The following SAMD5 variants were observed in gnomAD, a reference collection of about 807,000 sequenced individuals.
SAMD5 encodes sterile alpha motif domain containing 5, also known as sterile alpha motif domain-containing protein 5.
A neutral mutation model predicts 11.3 loss-of-function variants in SAMD5; 13 were observed. The observed-to-expected ratio is 1.15, with a 90% CI of 0.75 to 1.83. SAMD5 has a LOEUF of 1.83. Ranked by LOEUF, SAMD5 falls within the 40% of genes most tolerant of loss-of-function variation. The pLI, the probability that SAMD5 is intolerant of heterozygous loss-of-function variation, is 0.00. For synonymous variants in SAMD5, 129 were observed against 111.3 expected, an observed-to-expected ratio of 1.16 and a Z score of -1.00; for missense variants, 255 against 239.1, an observed-to-expected ratio of 1.07 and a Z score of -0.44.
At chr6:147,677,661 A>C (rs1790883094) in intron 1 of SAMD5, among the ~76,000 whole-genome samples, 1 of 152,054 alleles carries the variant, frequency 6.6e-6, no homozygotes, top group South Asian at 2.1e-4. Flanking sequence ...GCTCACCACT[A>C]TGGAGGAAGC....
At chr6:147,952,363 A>T in the SAMD5 span, among the ~76,000 whole-genome samples, 2 of 152,200 alleles carry the variant, frequency 1.3e-5, no homozygotes, top group Non-Finnish European at 2.9e-5. Flanking sequence ...TTTGCTGGGT[A>T]GGCGTGATAT....
the SAMD5 span, among the ~76,000 whole-genome samples, chr6:147,802,529 G>A: frequency 1.3e-5 from 2 of 152,164 alleles, no homozygotes; most frequent in Non-Finnish European, 2.9e-5. Flanking sequence ...CATGCATTTA[G>A]CCTATGACTC....
chr6:147,643,782 A>AAGGAAGGAAGGT (rs1790350750), intron 1 of SAMD5, among the ~76,000 whole-genome samples: 1 of 138,846 alleles, frequency 7.2e-6, no homozygotes, highest in Non-Finnish European at 1.6e-5. Context: ...GGAAGGAAGG[A>AAGGAAGGAAGGT]AGGAAGGAAG....
chr6:147,651,502 G>A (rs1381930256), intron 1 of SAMD5, among the ~76,000 whole-genome samples: 1 of 152,168 alleles, frequency 6.6e-6, no homozygotes, highest in Non-Finnish European at 1.5e-5. Context: ...ATTAGGTCAT[G>A]AGGGAAGTGC....
At chr6:147,543,734 A>C (rs2128442276) in intron 1 of SAMD5, among the ~76,000 whole-genome samples, 1 of 152,314 alleles carries the variant, frequency 6.6e-6, no homozygotes, top group South Asian at 2.1e-4. Context: ...TGAGGCAGCA[A>C]ATATGGGAAA....
chr6:147,885,868 G>A, the SAMD5 span, among the ~76,000 whole-genome samples: 1 of 152,124 alleles, frequency 6.6e-6, no homozygotes, highest in African/African-American at 2.4e-5. Flanking sequence ...TGCTCTGTGG[G>A]CAGCGAAACA....
chr6:147,945,180 C>T, the SAMD5 span, among the ~76,000 whole-genome samples: 18 of 152,142 alleles, frequency 1.2e-4, no homozygotes, highest in Admixed American at 3.3e-4. Flanking sequence ...CTTTATCCCC[C>T]GACTATTTCA....
the SAMD5 span, among the ~76,000 whole-genome samples, chr6:147,747,751 AT>A: frequency 3.3e-5 from 5 of 152,024 alleles, no homozygotes; most frequent in Admixed American, 2.6e-4. Context: ...TATTATCTTT[AT>A]TTATCAGCCA....
At chr6:147,570,507 T>C (rs751680494), downstream of SAMD5, among the ~76,000 whole-genome samples, 31 of 152,202 alleles carry the variant, frequency 2.0e-4, no homozygotes, top group Non-Finnish European at 1.9e-4. Context: ...TACTACTTTC[T>C]GGCCTCAGGA....
At chr6:147,762,580 A>G in the SAMD5 span, among the ~76,000 whole-genome samples, 1 of 152,330 alleles carries the variant, frequency 6.6e-6, no homozygotes, top group South Asian at 2.1e-4. Flanking sequence ...AGTAAAAAGT[A>G]AATTTAAAAA....
chr6:147,884,106 T>C, the SAMD5 span, among the ~76,000 whole-genome samples: 2,105 of 149,340 alleles, frequency 0.014, 31 homozygotes, highest in Non-Finnish European at 0.022. Flanking sequence ...ATTTTTCCCC[T>C]TGGCCATCTT....
chr6:147,783,379 A>AT, the SAMD5 span, among the ~76,000 whole-genome samples: 6,233 of 110,892 alleles, frequency 0.056, 166 homozygotes, highest in Middle Eastern at 0.074. Context: ...TTGAAAATAC[A>AT]TTTTTTTTTT....
At chr6:147,737,302 CT>C in intron 1 of SAMD5, 1 of 1,201,844 alleles carries the variant, frequency 8.3e-7, no homozygotes, top group Non-Finnish European at 1.1e-6. Context: ...TTCATTTCCT[CT>C]TTTTATGCTC....
chr6:147,804,390 G>A, the SAMD5 span, among the ~76,000 whole-genome samples: 351 of 152,192 alleles, frequency 2.3e-3, 4 homozygotes, highest in South Asian at 8.3e-3. Flanking sequence ...GATTACAGGC[G>A]TGAGCCACTG....
intron 1 of SAMD5, among the ~76,000 whole-genome samples, chr6:147,561,407 C>T (rs919579440): frequency 6.6e-6 from 1 of 152,130 alleles, no homozygotes; most frequent in African/African-American, 2.4e-5. Flanking sequence ...AGGATGGTCT[C>T]GATCTCCTAA....
At chr6:147,747,403 G>A in the SAMD5 span, among the ~76,000 whole-genome samples, 4 of 152,186 alleles carry the variant, frequency 2.6e-5, no homozygotes, top group African/African-American at 9.7e-5. Context: ...AATGGGGATG[G>A]TGAAGATGGG....
At chr6:147,858,513 G>A in the SAMD5 span, among the ~76,000 whole-genome samples, 1 of 152,166 alleles carries the variant, frequency 6.6e-6, no homozygotes, top group Non-Finnish European at 1.5e-5. Flanking sequence ...TGTACACTTG[G>A]ATAATGCTTC....
the SAMD5 span, among the ~76,000 whole-genome samples, chr6:147,746,668 A>C: frequency 6.6e-6 from 1 of 152,240 alleles, no homozygotes; most frequent in Non-Finnish European, 1.5e-5. Context: ...CGATGTCTTC[A>C]AGAAACTATC....
the SAMD5 span, among the ~76,000 whole-genome samples, chr6:147,758,926 A>G: frequency 0.019 from 2,910 of 152,254 alleles, 83 homozygotes; most frequent in African/African-American, 0.067. Flanking sequence ...ATTGGATGTA[A>G]TCCATTATTT....
Sources: allele counts gnomAD v4.1 joint callset (sites outside exome capture counted in the v4.1 genomes callset), GRCh38; gene constraint gnomAD v4.1.1; transcripts MANE v1.5; gene names NCBI Gene and HGNC (gene_info 2026-07-23, HGNC 2026-07-21).